Variants in TTC28 observed in about 807,000 individuals in gnomAD.
TTC28 encodes the protein tetratricopeptide repeat protein 28.
A neutral mutation model predicts 198.0 loss-of-function variants in TTC28; 61 were observed. The ratio of observed to expected loss-of-function variants is 0.31; its 90% CI spans 0.25 to 0.38. The LOEUF (loss-of-function observed/expected upper bound fraction) is 0.38, where lower values mean the gene tolerates loss of function less well. TTC28 is among the 10% of genes least tolerant of loss of function. The pLI is 1.00. For synonymous variants in TTC28, 1,171 were observed against 1,297.8 expected, an observed-to-expected ratio of 0.90 and a Z score of 2.10; for missense variants, 2,678 against 3,164.0, an observed-to-expected ratio of 0.85 and a Z score of 3.69.
intron 5 of TTC28, among the ~76,000 whole-genome samples, chr22:28,273,575 T>TA (rs1932230047): frequency 1.3e-5 from 2 of 151,478 alleles, no homozygotes; most frequent in Non-Finnish European, 2.9e-5. Flanking sequence ...ATAAAAAGGA[T>TA]AAAAAATCCG....
intron 6 of TTC28, among the ~76,000 whole-genome samples, chr22:28,149,372 G>A (rs1943551655): frequency 6.6e-6 from 1 of 152,164 alleles, no homozygotes; most frequent in African/African-American, 2.4e-5. Flanking sequence ...CATCATGGAT[G>A]AGTGGATAAA....
At chr22:28,134,477 G>A (rs1056594121) in intron 6 of TTC28, among the ~76,000 whole-genome samples, 2 of 152,198 alleles carry the variant, frequency 1.3e-5, no homozygotes, top group Admixed American at 6.5e-5. Flanking sequence ...TTAGACGAAT[G>A]GCTAACTAGA....
At chr22:28,564,619 C>A (rs1336718266) in intron 2 of TTC28, among the ~76,000 whole-genome samples, 1 of 151,772 alleles carries the variant, frequency 6.6e-6, no homozygotes, top group Non-Finnish European at 1.5e-5. Context: ...CTCAACAATA[C>A]TATACAGTGC....
At chr22:28,564,990 G>C (rs1297353233) in intron 2 of TTC28, among the ~76,000 whole-genome samples, 2 of 151,290 alleles carry the variant, frequency 1.3e-5, no homozygotes, top group Non-Finnish European at 2.9e-5. Flanking sequence ...GGTGGGAGGA[G>C]GGAGGCACAG....
At chr22:28,309,149 A>T (rs2045204821) in intron 2 of TTC28, among the ~76,000 whole-genome samples, 1 of 152,212 alleles carries the variant, frequency 6.6e-6, no homozygotes, top group South Asian at 2.1e-4. Context: ...CACCCAACGA[A>T]ATTAGCTATT....
intron 5 of TTC28, among the ~76,000 whole-genome samples, chr22:28,259,098 G>A (rs1411985821): frequency 6.6e-6 from 1 of 152,046 alleles, no homozygotes; most frequent in Non-Finnish European, 1.5e-5. Context: ...AAAACATGGT[G>A]GATGAGCATA....
At chr22:28,586,094 C>G (rs938201793) in intron 2 of TTC28, among the ~76,000 whole-genome samples, 1 of 151,810 alleles carries the variant, frequency 6.6e-6, no homozygotes, top group Non-Finnish European at 1.5e-5. Flanking sequence ...TCCTGGCTAA[C>G]ATGGTGAAAC....
In TTC28 at chr22:28,147,060, A is replaced by G. The variant is rs528418559; in HGVS notation, c.1441+16032T>C. ...GAGAGCCTGTATTCAGGAGCTAACA[A>G]AGCTATTTGAAAGTCAAGTTGAGAA... On this transcript the variant is annotated intron_variant, in intron 6 of 22. Coordinates refer to ENST00000397906, the MANE Select transcript of TTC28 (RefSeq NM_001145418.2). 1.6e-4 allele frequency among the ~76,000 whole-genome samples: 24 copies of G among 152,344 alleles called. No individual in the cohort carries two copies. The East Asian group carries it at 4.4e-3, about 28-fold the overall frequency.
At chr22:28,379,625 A>C (rs2146020645) in intron 2 of TTC28, among the ~76,000 whole-genome samples, 1 of 152,216 alleles carries the variant, frequency 6.6e-6, no homozygotes, top group East Asian at 1.9e-4. Context: ...AGTTGAGGGG[A>C]GGGGGAAATG....
chr22:28,577,438 C>T (rs2050168274), intron 2 of TTC28, among the ~76,000 whole-genome samples: 1 of 152,110 alleles, frequency 6.6e-6, no homozygotes, highest in Non-Finnish European at 1.5e-5. Context: ...AATGTGTATT[C>T]TGTAGACACT....
At chr22:28,542,499 T>C (rs143402767) in intron 2 of TTC28, among the ~76,000 whole-genome samples, 1 of 152,298 alleles carries the variant, frequency 6.6e-6, no homozygotes, top group Non-Finnish European at 1.5e-5. Flanking sequence ...TACCTAACAA[T>C]GTGAATGGAC....
chr22:28,404,720 A>G (rs959067082), intron 2 of TTC28, among the ~76,000 whole-genome samples: 1 of 152,182 alleles, frequency 6.6e-6, no homozygotes, highest in Non-Finnish European at 1.5e-5. Context: ...TGGCTTCACC[A>G]TTAGGTGTCA....
chr22:28,396,575 C>T (rs1368512978), intron 2 of TTC28, among the ~76,000 whole-genome samples: 1 of 152,160 alleles, frequency 6.6e-6, no homozygotes, highest in East Asian at 1.9e-4. Flanking sequence ...TGCCCTTTAA[C>T]ATTGGTGCTC....
chr22:28,333,234 T>C (rs2045645002), intron 2 of TTC28, among the ~76,000 whole-genome samples: 1 of 152,122 alleles, frequency 6.6e-6, no homozygotes, highest in Non-Finnish European at 1.5e-5. Context: ...TGGACAAATG[T>C]TAACAACTGT....
chr22:27,985,458 CA>C, intron 21 of TTC28, 102 bp from the exon 22 acceptor site: 1 of 901,738 alleles, frequency 1.1e-6, no homozygotes, highest in Non-Finnish European at 1.7e-6. Flanking sequence ...GGAATGCCTG[CA>C]AGGCCCTTCA....
chr22:28,235,740 A>G (rs565257831), intron 5 of TTC28, among the ~76,000 whole-genome samples: 1 of 152,332 alleles, frequency 6.6e-6, no homozygotes, highest in African/African-American at 2.4e-5. Flanking sequence ...TTGGGAAAAG[A>G]TAAAAATTAG....
At chr22:28,399,393 T>C (rs1018263663) in intron 2 of TTC28, among the ~76,000 whole-genome samples, 4 of 151,250 alleles carry the variant, frequency 2.6e-5, no homozygotes, top group Middle Eastern at 3.2e-3. Flanking sequence ...CATAGCTCGT[T>C]GCAGTCTTGA....
intron 5 of TTC28, among the ~76,000 whole-genome samples, chr22:28,197,034 A>T (rs1407520893): frequency 3.9e-5 from 6 of 152,120 alleles, no homozygotes; most frequent in Non-Finnish European, 8.8e-5. Context: ...ATGTCCAACA[A>T]TGATAGACTG....
intron 13 of TTC28, among the ~76,000 whole-genome samples, chr22:28,027,762 C>T (rs1241944777): frequency 6.6e-6 from 1 of 152,250 alleles, no homozygotes; most frequent in Non-Finnish European, 1.5e-5. Flanking sequence ...GATCCCTGGC[C>T]ATACATGGGA....
Sources: gnomAD v4.1 joint callset for allele counts (sites outside exome capture counted in the v4.1 genomes callset) on GRCh38, gnomAD v4.1.1 for gene constraint, MANE v1.5 for transcripts, NCBI Gene and HGNC (gene_info 2026-07-23, HGNC 2026-07-21) for gene names.